Variants in A2ML1 observed in about 807,000 individuals in gnomAD.
The protein encoded by A2ML1 is alpha-2-macroglobulin-like protein 1.
Under a neutral mutation model 181.9 loss-of-function variants are expected in A2ML1, and 161 were observed. That is an observed-to-expected ratio of 0.89 (90% CI 0.78 to 1.01). The LOEUF (loss-of-function observed/expected upper bound fraction) is 1.01. Among genes scored for constraint, A2ML1 ranks in the 50% least tolerant of loss-of-function variants. The probability of loss-of-function intolerance (pLI) is 0.00; values close to 1 mark genes in which losing one functional copy is unlikely to be tolerated. For missense variants in A2ML1, 1,670 were observed against 1,768.1 expected, an observed-to-expected ratio of 0.94 and a Z score of 1.00; for synonymous variants, 663 against 666.8, an observed-to-expected ratio of 0.99 and a Z score of 0.09.
intron 13 of A2ML1, 48 bp downstream of exon 13, chr12:8,845,550 C>G (rs1943641345): frequency 6.2e-7 from 1 of 1,606,398 alleles, no homozygotes; most frequent in African/African-American, 1.3e-5. Context: ...TTTTTAAATT[C>G]CAGAAAACAA....
chr12:8,862,050 A>C (rs1005675831), intron 28 of A2ML1, among the ~76,000 whole-genome samples: 2 of 151,950 alleles, frequency 1.3e-5, no homozygotes, highest in Admixed American at 1.3e-4. Context: ...GTGAGCCACC[A>C]TGCCTGGCCA....
intron 25 of A2ML1, 120 bp from the exon 26 acceptor site, chr12:8,857,826 C>T (rs182804034): frequency 2.7e-5 from 38 of 1,394,100 alleles, no homozygotes; most frequent in Non-Finnish European, 3.7e-5. Context: ...TCTAGGCCTG[C>T]TATGGCATAT....
Position 8,846,134 on chromosome 12 carries a change from C to A in A2ML1, c.1595C>A (p.Pro532His), listed in dbSNP as rs373823890. The change falls in exon 14 of 36, where the codon CCT becomes CAT. Residue 532 changes from proline to histidine, a missense_variant. Physicochemically the swap from Pro to His is moderately conservative, Grantham distance 77 (BLOSUM62 -2). Coordinates refer to ENST00000299698, the MANE Select transcript of A2ML1 (RefSeq NM_144670.6). ...LTFTSRLAPD[P>H]SLVIYAIFPS... ...TTCACTTCGAGACTGGCCCCTGATCCTTCCCTGGTGATCTATGCCATTTTT... is the reference window on the plus strand; with the variant it reads ...TTCACTTCGAGACTGGCCCCTGATCATTCCCTGGTGATCTATGCCATTTTT... The A allele has an allele frequency of 1.2e-6, 2 of 1,614,210 alleles. No homozygotes were observed. The highest frequency in any genetic ancestry group is 2.2e-5 in the South Asian group (2 of 91,090).
At chr12:8,825,433 T>G (rs1592097711) in intron 3 of A2ML1, among the ~76,000 whole-genome samples, 1 of 152,334 alleles carries the variant, frequency 6.6e-6, no homozygotes, top group East Asian at 1.9e-4. Flanking sequence ...TGCCCGTTCT[T>G]TAATCTGATT....
At chr12:8,887,164 G>A (rs750707796), downstream of A2ML1, among the ~76,000 whole-genome samples, 22 of 122,554 alleles carry the variant, frequency 1.8e-4, no homozygotes, top group East Asian at 3.8e-3. Context: ...AAAACAAAAC[G>A]AAACAAAAAA....
At chr12:8,849,037 G>A (rs953962207) in intron 16 of A2ML1, 123 bp downstream of exon 16, 58 of 1,102,928 alleles carry the variant, frequency 5.3e-5, no homozygotes, top group Admixed American at 3.3e-4. Context: ...AATCTTGAAA[G>A]AAGCTTCTGA....
rs771019620 is a variant in A2ML1, at chr12:8,852,237, G to A, written c.2491G>A (p.Glu831Lys). ...RVQTDLAKSH[E>K]YQLESWADSQ... is the part of the protein sequence containing the mutation. ...TCAGACTGACCTGGCTAAATCGCAT[G>A]AGTACCAGCTAGAATCATGGGCAGA... is the stretch of plus-strand genomic sequence containing the variant. Residue 831 changes from glutamate (E) to lysine (K), a missense_variant, in exon 20 of 36, where the codon GAG becomes AAG. Physicochemically the swap from Glu to Lys is moderately conservative, Grantham distance 56. Transcript: ENST00000299698. The surrounding 1 kb of genome is among the most constrained non-coding windows in gnomAD (Gnocchi z 4.2). 1.2e-6 allele frequency: 2 copies of A among 1,614,118 alleles called. No individual in the cohort carries two copies. The highest frequency in any genetic ancestry group is 2.2e-5 in the South Asian group (2 of 91,078).
rs1944797729 is a variant in A2ML1 at position 8,876,285 on chromosome 12, T to C, written c.*229T>C. Reference sequence around the variant, plus strand: ...AGGAGGCGTTGCATGGGCAGGGTCATAGGGGGAAGAAAGGTGGTTTAGCTG... The same window carrying C: ...AGGAGGCGTTGCATGGGCAGGGTCACAGGGGGAAGAAAGGTGGTTTAGCTG... On this transcript the variant is annotated 3_prime_UTR_variant, in exon 36 of 36. Coordinates refer to ENST00000299698, the MANE Select transcript of A2ML1 (RefSeq NM_144670.6). 1 of 152,260 alleles carries C rather than the reference T, an allele frequency of 6.6e-6. No homozygotes were observed. The highest frequency in any genetic ancestry group is 1.9e-4 in the East Asian group (1 of 5,200). The allele number at this position is 152,260 out of a possible 1,614,324, so 9.4% of individuals were successfully genotyped here.
At chr12:8,879,071 T>A (rs1043715213), downstream of A2ML1, among the ~76,000 whole-genome samples, 2 of 152,172 alleles carry the variant, frequency 1.3e-5, no homozygotes, top group Non-Finnish European at 2.9e-5. Context: ...TCCTCCATCC[T>A]TGTGTCTGTC....
At position 8,837,434 on chromosome 12, in the gene A2ML1, G is replaced by C. The variant is rs1242426344; in HGVS notation, c.729-6G>C. The C allele has an allele frequency of 6.2e-7, 1 of 1,613,456 alleles. No homozygotes were observed. The highest frequency in any genetic ancestry group is 8.5e-7 in the Non-Finnish European group (1 of 1,179,624). On this transcript the variant is annotated splice_region_variant and splice_polypyrimidine_tract_variant and intron_variant, in intron 7 of 35. Coordinates refer to ENST00000299698, the MANE Select transcript of A2ML1 (RefSeq NM_144670.6). The stretch of plus-strand genomic sequence containing the variant: ...AACTCTGACTCCTTATGCTTTTCTT[G>C]GTTAGGTACACCTATGGAAAGCCCA...
At position 8,848,877 on chromosome 12, in the gene A2ML1, C is replaced by T. The variant is rs187676229; in HGVS notation, c.1991C>T (p.Ser664Leu). ...CAGCGTTCCATTATCTGGAGGCCCT[C>T]GTTCTCTGAAGGCACGGACCTTTTC... The part of the protein sequence containing the change: ...SSQRSIIWRP[S>L]FSEGTDLFSF... The change falls in exon 16 of 36, where the codon TCG becomes TTG. Residue 664 changes from serine to leucine, a missense_variant. By Grantham distance (145) the Ser-to-Leu change is moderately radical. Coordinates refer to ENST00000299698, the MANE Select transcript of A2ML1 (RefSeq NM_144670.6). 8.7e-6 allele frequency: 14 copies of T among 1,614,034 alleles called. No individual in the cohort carries two copies. Among genetic ancestry groups the T allele is most frequent in the African/African-American group, 5.3e-5 (4 of 75,038 alleles).
intron 20 of A2ML1, among the ~76,000 whole-genome samples, chr12:8,853,619 C>T (rs906073166): frequency 6.6e-6 from 1 of 152,108 alleles, no homozygotes; most frequent in African/African-American, 2.4e-5. Context: ...TCCTTACAGG[C>T]TGCTAGACTG....
intron 10 of A2ML1, among the ~76,000 whole-genome samples, chr12:8,839,963 T>G (rs1206721748): frequency 6.6e-6 from 1 of 152,056 alleles, no homozygotes; most frequent in African/African-American, 2.4e-5. Flanking sequence ...GTCAGGCTGG[T>G]CTTGAACTCC....
At chr12:8,847,945 G>C (rs908232395) in intron 15 of A2ML1, among the ~76,000 whole-genome samples, 2 of 150,572 alleles carry the variant, frequency 1.3e-5, no homozygotes, top group Non-Finnish European at 2.9e-5. Context: ...TTCGAGACCA[G>C]CCTGACCAAC....
intron 22 of A2ML1, 60 bp from the exon 23 acceptor site, chr12:8,855,448 CT>C: frequency 6.5e-7 from 1 of 1,542,152 alleles, no homozygotes; most frequent in South Asian, 1.1e-5. Flanking sequence ...AAAATTTTGT[CT>C]TGAGAACCCC....
At chr12:8,840,668 G>T (rs988530657) in intron 10 of A2ML1, among the ~76,000 whole-genome samples, 11 of 152,064 alleles carry the variant, frequency 7.2e-5, no homozygotes, top group Non-Finnish European at 1.0e-4. Flanking sequence ...TCAGCACTTT[G>T]GGAGGCTGAG....
At chr12:8,842,931 T>G (rs747332324) in intron 11 of A2ML1, among the ~76,000 whole-genome samples, 1 of 152,366 alleles carries the variant, frequency 6.6e-6, no homozygotes, top group East Asian at 1.9e-4. Context: ...GTCGCTCTCC[T>G]ACATACCAAA....
chr12:8,832,963 C>T (rs1024264227), intron 4 of A2ML1, among the ~76,000 whole-genome samples: 5 of 143,318 alleles, frequency 3.5e-5, no homozygotes, highest in South Asian at 4.4e-4. Flanking sequence ...AACTTCCAGT[C>T]GGAAATGCTA....
chr12:8,855,502 C>T lies in A2ML1; in HGVS notation c.2765-7C>T. 6.2e-7 allele frequency: 1 copy of T among 1,613,150 alleles called. No individual in the cohort carries two copies. Among genetic ancestry groups the T allele is most frequent in the Admixed American group, 1.7e-5 (1 of 59,696 alleles). On this transcript the variant is annotated splice_polypyrimidine_tract_variant and splice_region_variant and intron_variant, in intron 22 of 35. Transcript: ENST00000299698. Reference sequence around the variant, plus strand: ...TATTGTGTCACCTTTTTTTCTGCATCTCACAGGAAAGGTGGCATCTGAATC... The same window carrying T: ...TATTGTGTCACCTTTTTTTCTGCATTTCACAGGAAAGGTGGCATCTGAATC...
Sources: allele counts gnomAD v4.1 joint callset (sites outside exome capture counted in the v4.1 genomes callset), GRCh38; gene constraint gnomAD v4.1.1; non-coding constraint Gnocchi (gnomAD v3.1); transcripts MANE v1.5; gene names NCBI Gene and HGNC (gene_info 2026-07-23, HGNC 2026-07-21).